ADCY1: variants seen among roughly 807,000 people sequenced by gnomAD.
ADCY1 encodes adenylate cyclase 1, also known as adenylate cyclase type 1.
ADCY1 carries 28 observed loss-of-function variants against 105.4 expected under a neutral mutation model. The ratio of observed to expected loss-of-function variants is 0.27; its 90% confidence interval spans 0.20 to 0.36. The LOEUF is 0.36. Among genes scored for constraint, ADCY1 ranks in the 10% least tolerant of loss-of-function variants. The pLI, the probability that ADCY1 is intolerant of heterozygous loss-of-function variation, is 1.00. For synonymous variants in ADCY1, 655 were observed against 623.8 expected (o/e 1.05, Z -0.75); for missense variants, 977 against 1,434.2 (o/e 0.68, Z 5.15).
chr7:45,685,099 G>C (rs1419222760), intron 12 of ADCY1, 31 bp downstream of exon 12: 1 of 1,579,148 alleles, frequency 6.3e-7, no homozygotes, highest in Non-Finnish European at 8.7e-7. Flanking sequence ...GCATGCGCTG[G>C]GGCGGGAGAG....
intron 14 of ADCY1, among the ~76,000 whole-genome samples, chr7:45,694,268 A>T (rs1004124683): frequency 6.6e-6 from 1 of 152,238 alleles, no homozygotes; most frequent in African/African-American, 2.4e-5. Context: ...AAAGGATTCA[A>T]ATCATACAAA....
At position 45,686,150 on chromosome 7, in the gene ADCY1, C is replaced by A; in HGVS notation, c.2262C>A (p.Ile754=). Residue 754 remains isoleucine, a synonymous_variant, in exon 13 of 20, where the codon ATC becomes ATA. Transcript: ENST00000297323. This position sits in a 1 kb window ranked among gnomAD's most constrained non-coding sequence, Gnocchi z 4.3. ...FFRVSSLPKM[I]LLSGLTTSYI... ...GGGTGTCCTCCTTGCCAAAAATGAT[C>A]CTGCTCTCCGGGCTCACCACGTCCT... 1 of 1,614,176 alleles carries A rather than the reference C, an allele frequency of 6.2e-7. No homozygotes were observed.
intron 2 of ADCY1, among the ~76,000 whole-genome samples, chr7:45,605,616 A>G (rs1051748077): frequency 6.6e-6 from 1 of 151,662 alleles, no homozygotes; most frequent in Non-Finnish European, 1.5e-5. Context: ...TGATGTTTCA[A>G]TTTTGAATTA....
chr7:45,692,944 G>C (rs1784810038), intron 14 of ADCY1, among the ~76,000 whole-genome samples: 1 of 152,324 alleles, frequency 6.6e-6, no homozygotes, highest in Non-Finnish European at 1.5e-5. Flanking sequence ...TTTCAGTAAT[G>C]TTAGCGGGTA....
At chr7:45,619,544 TAC>T (rs914360017) in intron 3 of ADCY1, among the ~76,000 whole-genome samples, 2 of 152,070 alleles carry the variant, frequency 1.3e-5, no homozygotes, top group African/African-American at 2.4e-5. Context: ...TTATACAACA[TAC>T]ACACACACAT....
In ADCY1 at chr7:45,686,438, T is replaced by C; in HGVS notation, c.2328-109T>C. The C allele has an allele frequency of 1.0e-5, 15 of 1,490,794 alleles. No individual in the cohort carries two copies. The highest frequency in any genetic ancestry group is 8.1e-5 in the South Asian group (6 of 73,930). 92.3% of individuals were successfully genotyped at this position (1,490,794 alleles called of 1,614,324 possible). A position where few individuals can be genotyped will look rare whatever the true frequency, so the allele number is the denominator to read the frequency against. ...CAAGGTCAATCCCAGCAAGCTGTTT[T>C]TGGGTGTCACCACCTGAGGGTCACT... is the stretch of plus-strand genomic sequence containing the variant. On this transcript the variant is annotated intron_variant, in intron 13 of 19. Coordinates refer to ENST00000297323, the MANE Select transcript of ADCY1 (RefSeq NM_021116.4). The surrounding 1 kb of genome is among the most constrained non-coding windows in gnomAD (Gnocchi z 4.3).
chr7:45,579,346 A>G (rs967711733), intron 1 of ADCY1, among the ~76,000 whole-genome samples: 2 of 147,466 alleles, frequency 1.4e-5, no homozygotes, highest in Admixed American at 6.7e-5. Context: ...TGCTGGCCCT[A>G]CCTCCCCTGC....
At chr7:45,701,911 T>C (rs566246187) in intron 14 of ADCY1, among the ~76,000 whole-genome samples, 12 of 152,300 alleles carry the variant, frequency 7.9e-5, no homozygotes, top group Admixed American at 7.8e-4. Context: ...TTTGTCCTCA[T>C]CTGCTTCTGG....
intron 8 of ADCY1, among the ~76,000 whole-genome samples, chr7:45,672,582 C>G (rs1414316931): frequency 1.3e-5 from 2 of 151,812 alleles, no homozygotes; most frequent in African/African-American, 4.8e-5. Context: ...ATAAATCATA[C>G]TACATTTTAA....
At position 45,574,816 on chromosome 7, in the gene ADCY1, C is replaced by A. The variant is rs1288537927; in HGVS notation, c.273C>A (p.Ala91=). 17 of 1,607,186 alleles carry A rather than the reference C, an allele frequency of 1.1e-5. No homozygotes were observed. Among genetic ancestry groups the A allele is most frequent in the Non-Finnish European group, 1.4e-5 (16 of 1,178,634 alleles). Residue 91 remains alanine, a synonymous_variant, in exon 1 of 20, where the codon GCC becomes GCA. Transcript: ENST00000297323. The surrounding 1 kb of genome is among the most constrained non-coding windows in gnomAD (Gnocchi z 7.0). ...LGAPGPAPGL[A]KGSHPVHCVL... is the part of the protein sequence containing the mutation. ...CGCCGGGGCCCGCGCCCGGCCTGGC[C>A]AAGGGCTCACACCCGGTGCACTGCG... is the stretch of plus-strand genomic sequence containing the variant.
intron 5 of ADCY1, among the ~76,000 whole-genome samples, chr7:45,657,260 G>C (rs1424435232): frequency 1.3e-5 from 2 of 152,278 alleles, no homozygotes; most frequent in African/African-American, 4.8e-5. Flanking sequence ...CTGGGCTGCA[G>C]ATCCTGTGGA....
chr7:45,684,382 C>T (rs867403137), intron 11 of ADCY1: 3 of 152,202 alleles, frequency 2.0e-5, no homozygotes, highest in Non-Finnish European at 2.9e-5. Context: ...CCCGACTAGT[C>T]GGGGACTCTA....
rs908967783 is a variant in ADCY1, at chr7:45,720,330, G to A, written c.*6335G>A. 6.6e-6 allele frequency: 1 copy of A among 151,952 alleles called. No homozygotes were observed. Among genetic ancestry groups the A allele is most frequent in the Non-Finnish European group, 1.5e-5 (1 of 68,038 alleles). The allele number at this position is 151,952 out of a possible 1,614,324, so 9.4% of individuals were successfully genotyped here. On this transcript the variant is annotated 3_prime_UTR_variant, in exon 20 of 20. Coordinates refer to ENST00000297323, the MANE Select transcript of ADCY1 (RefSeq NM_021116.4). ...GCTCAAGACCAGCCTGGTCAACATG[G>A]TGAAACCCCGTCTCTACTAAAAATA... is the stretch of plus-strand genomic sequence containing the variant.
chr7:45,592,478 T>C (rs1792949983), intron 1 of ADCY1, among the ~76,000 whole-genome samples: 1 of 152,190 alleles, frequency 6.6e-6, no homozygotes, highest in Non-Finnish European at 1.5e-5. Context: ...CATCCCGAGG[T>C]CCTGGGGGTT....
At chr7:45,592,560 T>C (rs942876065) in intron 1 of ADCY1, among the ~76,000 whole-genome samples, 199 bp from the exon 2 acceptor site, 9 of 152,218 alleles carry the variant, frequency 5.9e-5, no homozygotes, top group African/African-American at 2.2e-4. Flanking sequence ...TCCCCTGACA[T>C]GCTGTCTCAC....
intron 5 of ADCY1, among the ~76,000 whole-genome samples, chr7:45,653,442 C>T (rs959977866): frequency 6.6e-6 from 1 of 152,204 alleles, no homozygotes; most frequent in Non-Finnish European, 1.5e-5. Flanking sequence ...GGACTGCCCG[C>T]GATGCCCAGA....
intron 8 of ADCY1, among the ~76,000 whole-genome samples, chr7:45,675,048 GAT>G (rs748724756): frequency 3.3e-5 from 5 of 151,998 alleles, no homozygotes; most frequent in Non-Finnish European, 7.4e-5. Context: ...TGCAATTATT[GAT>G]ATGTTATTGA....
At chr7:45,651,460 T>C (rs117148915) in intron 5 of ADCY1, among the ~76,000 whole-genome samples, 3,193 of 152,304 alleles carry the variant, frequency 0.021, 303 homozygotes, top group Admixed American at 0.17. Context: ...ATAATGTCTT[T>C]CTCTTCCTCC....
intron 8 of ADCY1, among the ~76,000 whole-genome samples, chr7:45,668,423 G>T (rs1784304537): frequency 6.6e-6 from 1 of 152,288 alleles, no homozygotes; most frequent in East Asian, 1.9e-4. Context: ...TTATATGCTG[G>T]ATTACGTTTA....
Sources: allele counts gnomAD v4.1 joint callset (sites outside exome capture counted in the v4.1 genomes callset), GRCh38; gene constraint gnomAD v4.1.1; non-coding constraint Gnocchi (gnomAD v3.1); transcripts MANE v1.5; gene names NCBI Gene and HGNC (gene_info 2026-07-23, HGNC 2026-07-21).